CENPL: variants seen among roughly 807,000 people sequenced by gnomAD.
CENPL encodes centromere protein L, also known as interphase centromere complex protein 33.
In CENPL, 20 loss-of-function variants were observed where a neutral mutation model predicts 35.2. The ratio of observed to expected loss-of-function variants is 0.57; its 90% CI spans 0.40 to 0.83. The LOEUF (loss-of-function observed/expected upper bound fraction) is 0.83. CENPL is among the 40% of genes least tolerant of loss of function. The pLI is 0.00. For synonymous variants in CENPL, 140 were observed against 140.6 expected, an observed-to-expected ratio of 1.00 and a Z score of 0.03; for missense variants, 363 against 395.8, an observed-to-expected ratio of 0.92 and a Z score of 0.70.
intron 4 of CENPL, 109 bp from the exon 5 acceptor site, chr1:173,803,614 CAA>C: frequency 1.2e-6 from 1 of 857,834 alleles, no homozygotes; most frequent in South Asian, 2.2e-5. Flanking sequence ...GTAATACTTG[CAA>C]AAAAAAACAT....
intron 2 of CENPL, among the ~76,000 whole-genome samples, chr1:173,818,522 A>C (rs913497233): frequency 2.6e-5 from 4 of 152,162 alleles, no homozygotes; most frequent in Admixed American, 2.0e-4. Flanking sequence ...CTTTCAAACT[A>C]GGGTGTTTTT....
intron 4 of CENPL, 61 bp downstream of exon 4, chr1:173,807,206 T>A: frequency 1.4e-6 from 2 of 1,379,664 alleles, no homozygotes; most frequent in South Asian, 4.2e-5. Context: ...ATTATTATAG[T>A]TTAGTCAAAC....
chr1:173,821,100 G>A (rs1651900829), intron 2 of CENPL, among the ~76,000 whole-genome samples: 1 of 152,180 alleles, frequency 6.6e-6, no homozygotes, highest in Non-Finnish European at 1.5e-5. Flanking sequence ...TAGACAGAAT[G>A]TTTCCTTCAA....
intron 2 of CENPL, among the ~76,000 whole-genome samples, chr1:173,819,225 C>A (rs1483944808): frequency 6.6e-6 from 1 of 151,472 alleles, no homozygotes; most frequent in Admixed American, 6.6e-5. Context: ...CACAGCAAGA[C>A]CCTCTCAAGA....
At chr1:173,823,607 T>C (rs905449842) in intron 2 of CENPL, 5 of 152,234 alleles carry the variant, frequency 3.3e-5, no homozygotes, top group African/African-American at 1.2e-4. Context: ...CCATTTTCCA[T>C]GTGCCATCTC....
intron 2 of CENPL, among the ~76,000 whole-genome samples, chr1:173,821,128 A>G (rs531112192): frequency 5.3e-5 from 8 of 152,250 alleles, no homozygotes; most frequent in Non-Finnish European, 1.2e-4. Flanking sequence ...ACTTGGTACA[A>G]TAATTGCTAA....
At chr1:173,802,006 G>C (rs1294321068) in intron 5 of CENPL, among the ~76,000 whole-genome samples, 1 of 150,222 alleles carries the variant, frequency 6.7e-6, no homozygotes, top group South Asian at 2.1e-4. Flanking sequence ...CTGGGTGATG[G>C]GGTGAGATTC....
intron 4 of CENPL, among the ~76,000 whole-genome samples, chr1:173,806,872 T>G (rs1378116259): frequency 6.6e-6 from 1 of 152,060 alleles, no homozygotes; most frequent in Non-Finnish European, 1.5e-5. Flanking sequence ...ATCACAAAAT[T>G]TAATGATATA....
intron 2 of CENPL, among the ~76,000 whole-genome samples, chr1:173,812,544 G>A (rs2102591490): frequency 6.6e-6 from 1 of 152,286 alleles, no homozygotes; most frequent in East Asian, 1.9e-4. Flanking sequence ...AGTCTGGAGT[G>A]GACCTCCAGC....
chr1:173,806,610 C>T (rs536153116), intron 4 of CENPL: 4 of 282,780 alleles, frequency 1.4e-5, no homozygotes, highest in South Asian at 2.8e-5. Context: ...ATAAAATAAA[C>T]GCAACATTTT....
In CENPL at chr1:173,811,264, A is replaced by C; in HGVS notation, c.36T>G (p.Ser12Arg). Residue 12 changes from serine (S) to arginine (R), a missense_variant, in exon 3 of 6, where the codon AGT becomes AGG. Coordinates refer to ENST00000682279, the MANE Select transcript of CENPL (RefSeq NM_001387287.1). Reference sequence around the variant, plus strand: ...AGTAATCTTCAGGTCTTGAGGATGCACTAGGAGTTGACTCTGGTGCACTGT... The same window carrying C: ...AGTAATCTTCAGGTCTTGAGGATGCCCTAGGAGTTGACTCTGGTGCACTGT... ...DSYSAPESTP[S>R]ASSRPEDYFI... 1 of 1,613,024 alleles carries C rather than the reference A, an allele frequency of 6.2e-7. No homozygotes were observed. Among genetic ancestry groups the C allele is most frequent in the South Asian group, 1.1e-5 (1 of 91,008 alleles).
In CENPL at chr1:173,824,237, G is replaced by T. The variant is rs1200988647; in HGVS notation, c.-127C>A. The T allele has an allele frequency of 1.3e-5, 2 of 152,268 alleles. No individual in the cohort carries two copies. 9.4% of individuals were successfully genotyped at this position (152,268 alleles called of 1,614,324 possible). A position where few individuals can be genotyped will look rare whatever the true frequency, so the allele number is the denominator to read the frequency against. ...CCAGCTCTGCGACCCTCGCTCCTGC[G>T]GAGTCAGCTTCTGCTCGCGGAGGGG... On this transcript the variant is annotated 5_prime_UTR_variant, in exon 1 of 6. Coordinates refer to ENST00000682279, the MANE Select transcript of CENPL (RefSeq NM_001387287.1).
At chr1:173,816,583 C>G (rs1419342861) in intron 2 of CENPL, among the ~76,000 whole-genome samples, 2 of 152,112 alleles carry the variant, frequency 1.3e-5, no homozygotes, top group East Asian at 1.9e-4. Flanking sequence ...AGAAACGGGA[C>G]AAAGATTCCC....
At chr1:173,810,230 G>A (rs750866488) in intron 3 of CENPL, among the ~76,000 whole-genome samples, 1 of 152,126 alleles carries the variant, frequency 6.6e-6, no homozygotes, top group Non-Finnish European at 1.5e-5. Context: ...TGGAGCTGGA[G>A]GCCATTATCC....
At chr1:173,819,875 T>C (rs532562798) in intron 2 of CENPL, among the ~76,000 whole-genome samples, 2 of 151,294 alleles carry the variant, frequency 1.3e-5, no homozygotes, top group South Asian at 2.1e-4. Context: ...GTTTGTTTTT[T>C]TTTTTGTATT....
chr1:173,803,368 T>G lies in CENPL; in HGVS notation c.558A>C (p.Ala186=), dbSNP rs16846420. ...EDFTCLPLFL[A]NGAESNTAII... ...TTGCTGTGTTAGACTCTGCTCCATT[T>G]GCAAGGAATAAGGGCAGACAGGTGA... The change falls in exon 5 of 6, where the codon GCA becomes GCC. Residue 186 remains alanine, a synonymous_variant. Transcript: ENST00000682279. 30,365 of 1,614,012 alleles carry G rather than the reference T, an allele frequency of 0.019. 4,074 individuals carry two copies. In the African/African-American group the frequency reaches 0.32, roughly 17 times the overall value.
intron 4 of CENPL, chr1:173,806,411 C>A (rs945915590): frequency 2.3e-6 from 1 of 442,136 alleles, no homozygotes; most frequent in African/African-American, 2.0e-5. Context: ...CATGGCGAGA[C>A]CCTGTCTACA....
chr1:173,824,813 G>A lies in CENPL; in HGVS notation c.-703C>T, dbSNP rs1211531889. The A allele has an allele frequency of 4.9e-6, 1 of 203,824 alleles. No homozygotes were observed. Among genetic ancestry groups the A allele is most frequent in the Non-Finnish European group, 1.0e-5 (1 of 96,924 alleles). 12.6% of individuals were successfully genotyped at this position (203,824 alleles called of 1,614,324 possible). ...ATTTGAAACGCGACTGTTACTCCTT[G>A]TTTTCCGGTTCTGGCCGCGGGAGCC... On this transcript the variant is annotated 5_prime_UTR_variant, in exon 1 of 6. Coordinates refer to ENST00000682279, the MANE Select transcript of CENPL (RefSeq NM_001387287.1).
intron 2 of CENPL, chr1:173,822,470 T>C (rs940357358): frequency 1.3e-5 from 2 of 152,184 alleles, no homozygotes; most frequent in African/African-American, 4.8e-5. Flanking sequence ...ATATGACTCC[T>C]AAATCTCTGT....
Sources: allele counts gnomAD v4.1 joint callset (sites outside exome capture counted in the v4.1 genomes callset), GRCh38; gene constraint gnomAD v4.1.1; transcripts MANE v1.5; gene names NCBI Gene and HGNC (gene_info 2026-07-23, HGNC 2026-07-21).